Variants in VRK2 observed in about 807,000 individuals in gnomAD.
The protein encoded by VRK2 is serine/threonine-protein kinase VRK2.
Under a neutral mutation model 57.6 loss-of-function variants are expected in VRK2, and 60 were observed. The observed-to-expected ratio is 1.04, with a 90% CI of 0.85 to 1.29. The LOEUF is 1.29. Among genes scored for constraint, VRK2 ranks in the 50% most tolerant of loss-of-function variants. The pLI is 0.00. For synonymous variants in VRK2, 231 were observed against 199.2 expected, an observed-to-expected ratio of 1.16 and a Z score of -1.35; for missense variants, 705 against 588.1, an observed-to-expected ratio of 1.20 and a Z score of -2.06.
At chr2:58,140,845 T>G (rs944988818) in intron 11 of VRK2, among the ~76,000 whole-genome samples, 3 of 152,062 alleles carry the variant, frequency 2.0e-5, no homozygotes, top group Non-Finnish European at 4.4e-5. Context: ...GACTGTGGTA[T>G]TGACATCTGT....
At chr2:58,051,437 T>G (rs1158639275) in intron 2 of VRK2, among the ~76,000 whole-genome samples, 1 of 152,240 alleles carries the variant, frequency 6.6e-6, no homozygotes, top group African/African-American at 2.4e-5. Flanking sequence ...TTCACTAAAC[T>G]TAGTTTTTAC....
intron 2 of VRK2, among the ~76,000 whole-genome samples, chr2:58,026,074 A>G (rs1673914646): frequency 6.6e-6 from 1 of 152,148 alleles, no homozygotes; most frequent in Non-Finnish European, 1.5e-5. Flanking sequence ...TAATACTTCA[A>G]CTATTCCAAG....
At chr2:57,962,878 TCTAAGCC>T (rs1404462182) in intron 1 of VRK2, among the ~76,000 whole-genome samples, 1 of 152,206 alleles carries the variant, frequency 6.6e-6, no homozygotes, top group Non-Finnish European at 1.5e-5. Flanking sequence ...GCACTTTATT[TCTAAGCC>T]TTTGTGCTGT....
intron 7 of VRK2, among the ~76,000 whole-genome samples, chr2:58,109,422 C>T (rs566985916): frequency 5.6e-4 from 85 of 151,672 alleles, no homozygotes; most frequent in Non-Finnish European, 1.0e-3. Context: ...TAGTCCATTC[C>T]CATACTGCTA....
At chr2:58,058,669 C>T (rs1676891247) in intron 2 of VRK2, among the ~76,000 whole-genome samples, 1 of 150,716 alleles carries the variant, frequency 6.6e-6, no homozygotes, top group Non-Finnish European at 1.5e-5. Context: ...TTTTTGAATT[C>T]TTTTTTTTTA....
intron 12 of VRK2, among the ~76,000 whole-genome samples, chr2:58,146,863 G>C (rs963828141): frequency 3.3e-5 from 5 of 151,868 alleles, no homozygotes. Context: ...ATTTTAAAAT[G>C]ATGTATTTTT....
chr2:58,137,156 T>TTATATATATCA (rs1382902188), intron 10 of VRK2, among the ~76,000 whole-genome samples: 1 of 24,444 alleles, frequency 4.1e-5, no homozygotes, highest in Non-Finnish European at 8.1e-5. Context: ...TATCATGTGT[T>TTATATATATCA]TATATATATC....
At chr2:58,137,165 T>TCATATATAATATATATCATATATGATA (rs1553422335) in intron 10 of VRK2, among the ~76,000 whole-genome samples, 1 of 4,912 alleles carries the variant, frequency 2.0e-4, no homozygotes, top group Non-Finnish European at 7.9e-4. Flanking sequence ...TTTATATATA[T>TCATATATAATATATATCATATATGATA]CATATATCAT....
chr2:57,979,573 C>T (rs1672356612), intron 1 of VRK2, among the ~76,000 whole-genome samples: 2 of 145,040 alleles, frequency 1.4e-5, no homozygotes, highest in African/African-American at 5.8e-5. Flanking sequence ...AAGGAGGAGT[C>T]CCTCCTCCTT....
chr2:57,938,643 T>C (rs139780072), intron 1 of VRK2, among the ~76,000 whole-genome samples: 1 of 152,200 alleles, frequency 6.6e-6, no homozygotes, highest in African/African-American at 2.4e-5. Context: ...TATACTTCTT[T>C]TAGGTTACTC....
At chr2:57,943,963 G>A (rs1047688173) in intron 1 of VRK2, among the ~76,000 whole-genome samples, 1 of 152,144 alleles carries the variant, frequency 6.6e-6, no homozygotes, top group Non-Finnish European at 1.5e-5. Context: ...AAATGAAATG[G>A]GTGTATCTGT....
intron 1 of VRK2, among the ~76,000 whole-genome samples, chr2:57,958,690 T>C (rs1649618821): frequency 6.6e-6 from 1 of 152,146 alleles, no homozygotes; most frequent in Non-Finnish European, 1.5e-5. Context: ...TACTTATTGA[T>C]CCCTGCATGA....
intron 1 of VRK2, among the ~76,000 whole-genome samples, chr2:58,011,425 A>G (rs1483682516): frequency 6.6e-6 from 1 of 152,234 alleles, no homozygotes; most frequent in African/African-American, 2.4e-5. Flanking sequence ...TGCCAGTCGG[A>G]AAGCTTCTAT....
At chr2:58,149,649 C>T (rs1274135557) in intron 12 of VRK2, among the ~76,000 whole-genome samples, 4 of 151,554 alleles carry the variant, frequency 2.6e-5, no homozygotes, top group Non-Finnish European at 4.4e-5. Flanking sequence ...ATTCTTTCAC[C>T]ATTAAGTTAG....
intron 12 of VRK2, among the ~76,000 whole-genome samples, chr2:58,159,029 T>TTTTGG (rs1288161976): frequency 6.6e-6 from 1 of 152,136 alleles, no homozygotes. Flanking sequence ...AAGCCCAATT[T>TTTTGG]TTTGGTTTTG....
intron 1 of VRK2, among the ~76,000 whole-genome samples, chr2:57,962,481 A>C (rs558989098): frequency 6.6e-6 from 1 of 152,144 alleles, no homozygotes; most frequent in African/African-American, 2.4e-5. Flanking sequence ...GGTAAACTGT[A>C]CGTCACAGAA....
chr2:58,156,898 T>C (rs1397841928), intron 12 of VRK2, among the ~76,000 whole-genome samples: 1 of 152,216 alleles, frequency 6.6e-6, no homozygotes, highest in Non-Finnish European at 1.5e-5. Context: ...ATCTCATTTG[T>C]AGTAGTTTTA....
At chr2:58,102,613 A>G (rs1674155548) in intron 7 of VRK2, among the ~76,000 whole-genome samples, 1 of 151,644 alleles carries the variant, frequency 6.6e-6, no homozygotes, top group South Asian at 2.1e-4. Context: ...ATAAAACAAT[A>G]TTACGAGACC....
chr2:58,013,911 A>C (rs969698264), intron 1 of VRK2, among the ~76,000 whole-genome samples: 1 of 150,826 alleles, frequency 6.6e-6, no homozygotes, highest in Non-Finnish European at 1.5e-5. Flanking sequence ...CTACAAACTG[A>C]TTAAAATATT....
Sources: gnomAD v4.1 joint callset for allele counts (sites outside exome capture counted in the v4.1 genomes callset) on GRCh38, gnomAD v4.1.1 for gene constraint, MANE v1.5 for transcripts, NCBI Gene and HGNC (gene_info 2026-07-23, HGNC 2026-07-21) for gene names.